Variants in EPB41 observed in about 807,000 individuals in gnomAD.
EPB41 encodes erythrocyte membrane protein band 4.1.
Under a neutral mutation model 108.0 loss-of-function variants are expected in EPB41, and 65 were observed. The observed-to-expected ratio is 0.60, with a 90% CI of 0.49 to 0.74. The LOEUF (loss-of-function observed/expected upper bound fraction) is 0.74, where lower values mean the gene tolerates loss of function less well. Among genes scored for constraint, EPB41 ranks in the 30% least tolerant of loss-of-function variants. The pLI, the probability that EPB41 is intolerant of heterozygous loss-of-function variation, is 0.00. For missense variants in EPB41, 875 were observed against 1,037.0 expected, an observed-to-expected ratio of 0.84 and a Z score of 2.15; for synonymous variants, 336 against 358.9, an observed-to-expected ratio of 0.94 and a Z score of 0.72.
intron 7 of EPB41, among the ~76,000 whole-genome samples, chr1:29,022,846 C>T (rs2150134612): frequency 6.6e-6 from 1 of 152,140 alleles, no homozygotes; most frequent in African/African-American, 2.4e-5. Context: ...AATGCAGAAG[C>T]AGTTGGGAGA....
At chr1:29,085,507 T>A (rs1280688258) in intron 16 of EPB41, among the ~76,000 whole-genome samples, 1 of 152,164 alleles carries the variant, frequency 6.6e-6, no homozygotes, top group Non-Finnish European at 1.5e-5. Flanking sequence ...CAGAAAACAT[T>A]AAAATACAAT....
intron 16 of EPB41, chr1:29,069,385 T>C: frequency 1.6e-6 from 2 of 1,229,806 alleles, no homozygotes; most frequent in Non-Finnish European, 2.0e-6. Context: ...GAAAAAACTT[T>C]CTTTAAAAGT....
intron 1 of EPB41, among the ~76,000 whole-genome samples, chr1:28,935,605 G>A (rs1422177258): frequency 6.6e-6 from 1 of 151,286 alleles, no homozygotes; most frequent in African/African-American, 2.4e-5. Context: ...AGCTTCCATC[G>A]AGTAGGTAAT....
intron 1 of EPB41, among the ~76,000 whole-genome samples, chr1:28,977,507 T>TA (rs1306070025): frequency 6.6e-6 from 1 of 152,064 alleles, no homozygotes; most frequent in Non-Finnish European, 1.5e-5. Flanking sequence ...TTTTGAGGAT[T>TA]AGGATTGAGA....
intron 1 of EPB41, among the ~76,000 whole-genome samples, chr1:28,944,452 A>G (rs938677535): frequency 2.0e-5 from 3 of 151,916 alleles, no homozygotes; most frequent in African/African-American, 7.3e-5. Context: ...TTTGCATGCC[A>G]TATCAAATCA....
chr1:29,071,846 GT>G (rs1651626738), intron 16 of EPB41: 1 of 152,130 alleles, frequency 6.6e-6, no homozygotes, highest in Non-Finnish European at 1.5e-5. Flanking sequence ...TGAAATCTGA[GT>G]TTATAGGGTT....
At chr1:28,946,366 C>G (rs2148877302) in intron 1 of EPB41, among the ~76,000 whole-genome samples, 1 of 152,250 alleles carries the variant, frequency 6.6e-6, no homozygotes, top group East Asian at 1.9e-4. Flanking sequence ...CTTGGCCTCC[C>G]AAAGTGCTGG....
At chr1:28,908,270 C>T (rs931527523) in intron 1 of EPB41, among the ~76,000 whole-genome samples, 29 of 151,116 alleles carry the variant, frequency 1.9e-4, no homozygotes, top group African/African-American at 1.5e-4. Flanking sequence ...GGTGTGACGG[C>T]GGGGGCCTGT....
chr1:28,932,132 G>T (rs944445934), intron 1 of EPB41, among the ~76,000 whole-genome samples: 1 of 151,146 alleles, frequency 6.6e-6, no homozygotes, highest in African/African-American at 2.4e-5. Flanking sequence ...TTTGTTTTTT[G>T]TTTTTTTTGA....
At chr1:28,902,378 T>A in intron 1 of EPB41, 1 of 985,428 alleles carries the variant, frequency 1.0e-6, no homozygotes, top group African/African-American at 1.7e-5. Context: ...ATGGTTATTA[T>A]GTCATTATTG....
chr1:29,069,218 C>T (rs1397276584), intron 16 of EPB41: 2 of 1,231,464 alleles, frequency 1.6e-6, no homozygotes, highest in Non-Finnish European at 1.0e-6. Flanking sequence ...TGCAAAGAAC[C>T]AGTGTTGAAC....
At chr1:28,930,121 A>T (rs932618471) in intron 1 of EPB41, among the ~76,000 whole-genome samples, 37 of 147,046 alleles carry the variant, frequency 2.5e-4, no homozygotes, top group Non-Finnish European at 4.4e-4. Flanking sequence ...GACATTTCAT[A>T]TAAATAGAAT....
intron 17 of EPB41, among the ~76,000 whole-genome samples, chr1:29,101,138 C>T (rs1050054976): frequency 1.3e-5 from 2 of 151,854 alleles, no homozygotes; most frequent in South Asian, 2.1e-4. Flanking sequence ...GCAGGAGAAT[C>T]GCTTGAACCC....
At chr1:29,102,031 G>C (rs1381918179) in intron 17 of EPB41, among the ~76,000 whole-genome samples, 1 of 152,234 alleles carries the variant, frequency 6.6e-6, no homozygotes, top group East Asian at 1.9e-4. Flanking sequence ...GAGAGAGACA[G>C]AGAAATGAAT....
At chr1:28,921,981 T>C in intron 1 of EPB41, among the ~76,000 whole-genome samples, 1 of 127,240 alleles carries the variant, frequency 7.9e-6, no homozygotes, top group Non-Finnish European at 1.6e-5. Context: ...TTTTGTTTTT[T>C]TTTTTTGAGA....
At chr1:29,046,234 C>T (rs928718378) in intron 11 of EPB41, among the ~76,000 whole-genome samples, 5 of 151,960 alleles carry the variant, frequency 3.3e-5, no homozygotes, top group African/African-American at 4.8e-5. Context: ...AAGTGACTCT[C>T]CTGCCTCAGC....
chr1:28,888,886 C>T (rs1319133530), intron 1 of EPB41, among the ~76,000 whole-genome samples: 1 of 152,188 alleles, frequency 6.6e-6, no homozygotes, highest in Non-Finnish European at 1.5e-5. Flanking sequence ...CTCGGCCTCC[C>T]AAAGTGCTGG....
At chr1:29,045,655 A>G (rs944107268) in intron 11 of EPB41, among the ~76,000 whole-genome samples, 1 of 150,078 alleles carries the variant, frequency 6.7e-6, no homozygotes, top group Non-Finnish European at 1.5e-5. Flanking sequence ...ACACCCAGCC[A>G]TCGTTTGCTA....
chr1:29,001,325 G>A (rs573901219), intron 4 of EPB41, among the ~76,000 whole-genome samples: 5 of 152,066 alleles, frequency 3.3e-5, no homozygotes, highest in African/African-American at 7.2e-5. Context: ...GCGAGATCCC[G>A]TCTCAAAAAA....
Sources: allele counts gnomAD v4.1 joint callset (sites outside exome capture counted in the v4.1 genomes callset), GRCh38; gene constraint gnomAD v4.1.1; transcripts MANE v1.5; gene names NCBI Gene and HGNC (gene_info 2026-07-23, HGNC 2026-07-21).